TLN2: variants seen among roughly 807,000 people sequenced by gnomAD.
TLN2 encodes the protein talin-2.
TLN2 carries 118 observed loss-of-function variants against 294.7 expected under a neutral mutation model. That is an observed-to-expected ratio of 0.40 (90% CI 0.34 to 0.47). The LOEUF (loss-of-function observed/expected upper bound fraction) is 0.47, where lower values mean the gene tolerates loss of function less well. TLN2 is among the 20% of genes least tolerant of loss of function. The pLI, the probability that TLN2 is intolerant of heterozygous loss-of-function variation, is 0.84. For missense variants in TLN2, 3,083 were observed against 3,282.2 expected (o/e 0.94, Z 1.48); for synonymous variants, 1,431 against 1,304.5 (o/e 1.10, Z -2.09).
Position 62,738,411 on chromosome 15 carries a change from A to G in TLN2, c.3687+78A>G, listed in dbSNP as rs570575244. 191 of 1,504,390 alleles carry G rather than the reference A, an allele frequency of 1.3e-4. 2 individuals are homozygous for G. The South Asian group carries it at 1.9e-3, about 15-fold the overall frequency. 93.2% of individuals were successfully genotyped at this position (1,504,390 alleles called of 1,614,324 possible). On this transcript the variant is annotated intron_variant, in intron 30 of 58. Transcript: ENST00000636159. ...GTGTGAGTGAAGTCTTCTTCTCTCCATGAGATCTCTGAGCAGCTAACCCTT... is the reference window on the plus strand; with the variant it reads ...GTGTGAGTGAAGTCTTCTTCTCTCCGTGAGATCTCTGAGCAGCTAACCCTT...
chr15:62,620,464 T>C (rs567070555), intron 3 of TLN2, among the ~76,000 whole-genome samples: 26 of 151,882 alleles, frequency 1.7e-4, no homozygotes, highest in African/African-American at 6.3e-4. Context: ...TTTCTCTCTC[T>C]CTCCCTCCCT....
chr15:62,607,816 C>T (rs1350998086), intron 2 of TLN2, among the ~76,000 whole-genome samples: 2 of 152,132 alleles, frequency 1.3e-5, no homozygotes. Flanking sequence ...ATCCACATGC[C>T]ATGGGGAGTG....
intron 1 of TLN2, among the ~76,000 whole-genome samples, chr15:62,479,869 C>G (rs16945116): frequency 6.6e-6 from 1 of 152,234 alleles, no homozygotes; most frequent in African/African-American, 2.4e-5. Context: ...GGACTGTGAG[C>G]TCGATAAACA....
Position 62,835,979 on chromosome 15 carries a change from C to A in TLN2, c.7280C>A (p.Ser2427Ter). Residue 2427 changes from serine to a stop codon, truncating the protein, a stop_gained, in exon 57 of 59, where the codon TCA (serine) becomes TAA (stop). Transcript: ENST00000636159. LOFTEE classifies it high-confidence loss of function. ...CACGCCAGCGAGGAGAAGCTCATCT[C>A]ATCTGCCAAGCAGGTCGCCGCTTCC... ...QGHASEEKLISSAKQVAASTA... is the reference protein window; with the variant it reads ...QGHASEEKLI 2 of 1,614,136 alleles carry A rather than the reference C, an allele frequency of 1.2e-6. No individual in the cohort carries two copies. Among genetic ancestry groups the A allele is most frequent in the Non-Finnish European group, 1.7e-6 (2 of 1,179,988 alleles).
chr15:62,792,854 A>C (rs2065170930), intron 46 of TLN2, 67 bp downstream of exon 46: 3 of 1,584,208 alleles, frequency 1.9e-6, no homozygotes, highest in Non-Finnish European at 2.6e-6. Context: ...CGCTGTAATC[A>C]AGGACAAAAG....
At chr15:62,704,949 C>T (rs369547528) in intron 19 of TLN2, among the ~76,000 whole-genome samples, 1 of 152,086 alleles carries the variant, frequency 6.6e-6, no homozygotes, top group East Asian at 1.9e-4. Context: ...TTTATGTTCC[C>T]CAAAAGTATT....
rs534077100 is a variant in TLN2, at chr15:62,604,381, C to A, written c.-161-13970C>A. 2.8e-4 allele frequency among the ~76,000 whole-genome samples: 42 copies of A among 151,930 alleles called. 2 individuals carry two copies. In the South Asian group the frequency reaches 8.3e-3, roughly 30 times the overall value. On this transcript the variant is annotated intron_variant, in intron 2 of 58. Coordinates refer to ENST00000636159, the MANE Select transcript of TLN2 (RefSeq NM_015059.3). Reference sequence around the variant, plus strand: ...ACAAAAACAAACAAAAAATACCACACACAAATTAGCTGGGGGTAGTGGGTA... The same window carrying A: ...ACAAAAACAAACAAAAAATACCACAAACAAATTAGCTGGGGGTAGTGGGTA...
intron 41 of TLN2, among the ~76,000 whole-genome samples, chr15:62,768,300 C>T (rs1439696647): frequency 1.3e-5 from 2 of 152,174 alleles, no homozygotes; most frequent in East Asian, 3.8e-4. Flanking sequence ...AGAGTGGATT[C>T]CCTAGAGAAT....
chr15:62,560,856 C>T (rs536089281), intron 1 of TLN2, among the ~76,000 whole-genome samples: 8 of 152,214 alleles, frequency 5.3e-5, no homozygotes, highest in African/African-American at 1.2e-4. Context: ...TTCCACTCAT[C>T]GAGTGTGCAG....
intron 9 of TLN2, among the ~76,000 whole-genome samples, chr15:62,666,914 C>G (rs543611861): frequency 1.3e-5 from 2 of 152,236 alleles, no homozygotes; most frequent in Admixed American, 1.3e-4. Context: ...GGCCTCACCC[C>G]CAGAGCCTCT....
chr15:62,594,057 G>T (rs1353568474), intron 2 of TLN2, among the ~76,000 whole-genome samples: 1 of 152,188 alleles, frequency 6.6e-6, no homozygotes, highest in African/African-American at 2.4e-5. Flanking sequence ...AAAGCTGGAG[G>T]CATTATACTA....
intron 1 of TLN2, among the ~76,000 whole-genome samples, chr15:62,548,940 A>G (rs2042138908): frequency 6.6e-6 from 1 of 152,198 alleles, no homozygotes; most frequent in African/African-American, 2.4e-5. Flanking sequence ...AGTTAGATCC[A>G]CTTGGAGTTA....
At chr15:62,760,323 T>C (rs2062583717) in intron 37 of TLN2, among the ~76,000 whole-genome samples, 1 of 152,212 alleles carries the variant, frequency 6.6e-6, no homozygotes, top group Non-Finnish European at 1.5e-5. Flanking sequence ...TGGAATGTAG[T>C]TGTTATTCAG....
At chr15:62,549,573 C>G (rs1009881050) in intron 1 of TLN2, among the ~76,000 whole-genome samples, 1 of 152,116 alleles carries the variant, frequency 6.6e-6, no homozygotes, top group African/African-American at 2.4e-5. Context: ...GAGGCGAAAT[C>G]TAGGTATGGC....
chr15:62,640,992 G>T (rs2051015109), intron 3 of TLN2, among the ~76,000 whole-genome samples: 1 of 151,680 alleles, frequency 6.6e-6, no homozygotes, highest in South Asian at 2.1e-4. Flanking sequence ...GGTAGAGATG[G>T]GATTTCACCA....
chr15:62,406,195 T>G (rs2033392923), intron 1 of TLN2, among the ~76,000 whole-genome samples: 1 of 152,182 alleles, frequency 6.6e-6, no homozygotes, highest in African/African-American at 2.4e-5. Flanking sequence ...TTCTGGAAGC[T>G]AGAAGTCTAA....
intron 1 of TLN2, among the ~76,000 whole-genome samples, chr15:62,409,065 C>T (rs1346069155): frequency 1.3e-5 from 2 of 151,930 alleles, no homozygotes; most frequent in Non-Finnish European, 2.9e-5. Context: ...GTAACCTCTG[C>T]CCTCCAGGTT....
chr15:62,500,865 A>C (rs942892506), intron 1 of TLN2, among the ~76,000 whole-genome samples: 2 of 152,208 alleles, frequency 1.3e-5, no homozygotes, highest in Non-Finnish European at 2.9e-5. Context: ...TATTGTTTCA[A>C]GACAATTCTC....
At chr15:62,783,729 G>A in intron 44 of TLN2, 42 bp from the exon 45 acceptor site, 2 of 640,868 alleles carry the variant, frequency 3.1e-6, no homozygotes, top group South Asian at 2.3e-5. Context: ...CTCTGTGTGT[G>A]TGTGTGTGTG....
Sources: gnomAD v4.1 joint callset for allele counts (sites outside exome capture counted in the v4.1 genomes callset) on GRCh38, gnomAD v4.1.1 for gene constraint, MANE v1.5 for transcripts, NCBI Gene and HGNC (gene_info 2026-07-23, HGNC 2026-07-21) for gene names.